The following CNTNAP2 variants were observed in gnomAD, a reference collection of about 807,000 sequenced individuals.
CNTNAP2 encodes the protein contactin associated protein 2.
Under a neutral mutation model 155.2 loss-of-function variants are expected in CNTNAP2, and 98 were observed. The ratio of observed to expected loss-of-function variants is 0.63; its 90% CI spans 0.54 to 0.75. The LOEUF (loss-of-function observed/expected upper bound fraction) is 0.75, where lower values mean the gene tolerates loss of function less well. CNTNAP2 is among the 30% of genes least tolerant of loss of function. The pLI, the probability that CNTNAP2 is intolerant of heterozygous loss-of-function variation, is 0.00. For missense variants in CNTNAP2, 1,727 were observed against 1,688.1 expected, an observed-to-expected ratio of 1.02 and a Z score of -0.40; for synonymous variants, 651 against 631.2, an observed-to-expected ratio of 1.03 and a Z score of -0.47.
chr7:146,259,927 C>G (rs906137873), intron 1 of CNTNAP2, among the ~76,000 whole-genome samples: 6 of 152,180 alleles, frequency 3.9e-5, no homozygotes, highest in African/African-American at 1.4e-4. Flanking sequence ...TTGACAGCAG[C>G]CCCTCCCATC....
chr7:146,663,983 A>G (rs1379954983), intron 1 of CNTNAP2, among the ~76,000 whole-genome samples: 2 of 152,004 alleles, frequency 1.3e-5, no homozygotes, highest in East Asian at 1.9e-4. Context: ...CCCAGTAAGT[A>G]TGTTACCTGC....
intron 3 of CNTNAP2, among the ~76,000 whole-genome samples, chr7:146,847,423 G>T (rs1328157045): frequency 6.6e-6 from 1 of 152,072 alleles, no homozygotes; most frequent in Non-Finnish European, 1.5e-5. Context: ...AGCTTTCTGT[G>T]CCTAAAGTTC....
chr7:147,072,658 G>T (rs1410013228), intron 4 of CNTNAP2, among the ~76,000 whole-genome samples: 1 of 152,044 alleles, frequency 6.6e-6, no homozygotes, highest in Admixed American at 6.6e-5. Flanking sequence ...GTGGGCTGTG[G>T]TGGAAAAAAG....
rs888976222 is a variant in CNTNAP2, at chr7:147,527,015, C to CTTT, written c.1778-35098_1778-35096dup. On this transcript the variant is annotated intron_variant, in intron 11 of 23. Coordinates refer to ENST00000361727, the MANE Select transcript of CNTNAP2 (RefSeq NM_014141.6). ...CATGAATTATGGAAGACAGGCATTT[C>CTTT]TTTTTTTTTTTTTTTTTTTTTTTTT... 2.7e-3 allele frequency among the ~76,000 whole-genome samples: 173 copies of CTTT among 65,168 alleles called. 33 individuals are homozygous for CTTT. Among genetic ancestry groups the CTTT allele is most frequent in the African/African-American group, 0.012 (154 of 12,770 alleles). The allele number at this position is 65,168 out of a possible 152,430, so 42.8% of individuals were successfully genotyped here.
rs1795866360 is a variant in CNTNAP2 at position 146,411,661 on chromosome 7, C to T, written c.97+294688C>T. Among the ~76,000 whole-genome samples, 2 of 151,722 alleles carry T rather than the reference C, an allele frequency of 1.3e-5. 1 individual carries two copies. Among genetic ancestry groups the T allele is most frequent in the South Asian group, 4.2e-4 (2 of 4,790 alleles). On this transcript the variant is annotated intron_variant, in intron 1 of 23. Coordinates refer to ENST00000361727, the MANE Select transcript of CNTNAP2 (RefSeq NM_014141.6). ...TTTATTAAAACGGTTATAATAGTTC[C>T]AACCGTGTTGTGTGTAGATTCACAA...
At chr7:146,742,918 A>G (rs1163534817) in intron 1 of CNTNAP2, among the ~76,000 whole-genome samples, 1 of 152,214 alleles carries the variant, frequency 6.6e-6, no homozygotes. Context: ...GATTCCATAA[A>G]GAAGACTAAA....
chr7:147,789,570 G>A (rs1797789202), intron 13 of CNTNAP2, among the ~76,000 whole-genome samples: 1 of 152,150 alleles, frequency 6.6e-6, no homozygotes, highest in African/African-American at 2.4e-5. Context: ...GGTTAATATT[G>A]AGTGTCAACT....
At chr7:146,451,411 T>C (rs183528677) in intron 1 of CNTNAP2, among the ~76,000 whole-genome samples, 12 of 152,278 alleles carry the variant, frequency 7.9e-5, no homozygotes, top group Non-Finnish European at 1.5e-4. Context: ...ATGTGTTGTA[T>C]AGATTTTCCA....
intron 18 of CNTNAP2, among the ~76,000 whole-genome samples, chr7:148,203,250 C>T (rs1354386626): frequency 1.3e-5 from 2 of 151,964 alleles, no homozygotes; most frequent in East Asian, 3.9e-4. Flanking sequence ...ACCATTAATT[C>T]ATGTTCATTA....
intron 9 of CNTNAP2, among the ~76,000 whole-genome samples, chr7:147,306,504 T>C (rs1011893840): frequency 3.3e-5 from 5 of 152,320 alleles, no homozygotes; most frequent in Middle Eastern, 3.4e-3. Context: ...GAATTTCATG[T>C]CCATATGCAT....
At chr7:147,302,027 G>A (rs1392211018) in intron 9 of CNTNAP2, among the ~76,000 whole-genome samples, 2 of 152,094 alleles carry the variant, frequency 1.3e-5, no homozygotes, top group Non-Finnish European at 2.9e-5. Context: ...ATTTTTAAAA[G>A]ACTCTCAATA....
At chr7:147,583,763 C>T (rs1311596139) in intron 12 of CNTNAP2, among the ~76,000 whole-genome samples, 1 of 151,976 alleles carries the variant, frequency 6.6e-6, no homozygotes, top group Non-Finnish European at 1.5e-5. Flanking sequence ...ATTATGTTTA[C>T]TGTCAGTGTC....
intron 4 of CNTNAP2, among the ~76,000 whole-genome samples, chr7:147,054,078 T>G (rs887763066): frequency 1.3e-5 from 2 of 152,140 alleles, no homozygotes; most frequent in African/African-American, 4.8e-5. Flanking sequence ...ATTTAATACC[T>G]CTCTCCTCTG....
chr7:147,281,763 G>A (rs1056701306), intron 8 of CNTNAP2, among the ~76,000 whole-genome samples: 1 of 151,754 alleles, frequency 6.6e-6, no homozygotes, highest in Non-Finnish European at 1.5e-5. Flanking sequence ...TAATAAATTG[G>A]TAAAATTGAT....
chr7:146,760,484 G>A (rs754157662), intron 1 of CNTNAP2, among the ~76,000 whole-genome samples: 23 of 124,748 alleles, frequency 1.8e-4, no homozygotes, highest in Non-Finnish European at 3.6e-4. Flanking sequence ...GAATGCAGTG[G>A]CATAATCTCG....
At chr7:147,661,076 A>T (rs193102707) in intron 13 of CNTNAP2, among the ~76,000 whole-genome samples, 1 of 152,048 alleles carries the variant, frequency 6.6e-6, no homozygotes, top group Non-Finnish European at 1.5e-5. Context: ...CTATTTCTCC[A>T]TGATGTACCT....
At chr7:147,270,734 T>C (rs896738283) in intron 8 of CNTNAP2, among the ~76,000 whole-genome samples, 1 of 152,238 alleles carries the variant, frequency 6.6e-6, no homozygotes, top group Non-Finnish European at 1.5e-5. Context: ...GTGTGTATTA[T>C]ACATTGTTTC....
At chr7:146,774,427 A>G in intron 2 of CNTNAP2, 46 bp downstream of exon 2, 2 of 1,314,658 alleles carry the variant, frequency 1.5e-6, no homozygotes, top group Admixed American at 1.8e-5. Flanking sequence ...GTTAAATAAG[A>G]ACATGTTATA....
chr7:146,281,529 G>C (rs939867155), intron 1 of CNTNAP2, among the ~76,000 whole-genome samples: 3 of 152,152 alleles, frequency 2.0e-5, no homozygotes, highest in African/African-American at 7.2e-5. Flanking sequence ...GGGCGCAGTG[G>C]CTCACGCCTG....
Sources: allele counts gnomAD v4.1 joint callset (sites outside exome capture counted in the v4.1 genomes callset), GRCh38; gene constraint gnomAD v4.1.1; transcripts MANE v1.5; gene names NCBI Gene and HGNC (gene_info 2026-07-23, HGNC 2026-07-21).